Variants in FGD5 observed in about 807,000 individuals in gnomAD.
The protein encoded by FGD5 is FYVE, RhoGEF and PH domain-containing protein 5.
In FGD5, 28 loss-of-function variants were observed where a neutral mutation model predicts 133.4. The observed-to-expected ratio is 0.21, with a 90% CI of 0.16 to 0.29. The LOEUF (loss-of-function observed/expected upper bound fraction) is 0.29. Among genes scored for constraint, FGD5 ranks in the 10% least tolerant of loss-of-function variants. FGD5 has a pLI of 1.00. For missense variants in FGD5, 1,858 were observed against 1,895.2 expected, an observed-to-expected ratio of 0.98 and a Z score of 0.36; for synonymous variants, 810 against 776.5, an observed-to-expected ratio of 1.04 and a Z score of -0.72.
At chr3:14,816,800 T>C (rs898407267), upstream of FGD5, among the ~76,000 whole-genome samples, 10 of 152,236 alleles carry the variant, frequency 6.6e-5, no homozygotes, top group African/African-American at 2.4e-4. Context: ...TGGATGTCAG[T>C]GGCTGGCCTG....
chr3:14,911,473 C>T (rs1036796811), intron 11 of FGD5, among the ~76,000 whole-genome samples: 2 of 152,016 alleles, frequency 1.3e-5, no homozygotes, highest in African/African-American at 2.4e-5. Flanking sequence ...CCTTTTAAGC[C>T]CTCTGCTGGG....
At chr3:14,818,663 C>G (rs2036418689), upstream of FGD5, among the ~76,000 whole-genome samples, 1 of 152,174 alleles carries the variant, frequency 6.6e-6, no homozygotes, top group African/African-American at 2.4e-5. Context: ...ATGCACTGAC[C>G]TGGACACTTC....
chr3:14,812,566 T>C (rs1575181965), intron 1 of FGD5, among the ~76,000 whole-genome samples: 1 of 152,200 alleles, frequency 6.6e-6, no homozygotes, highest in East Asian at 1.9e-4. Context: ...TCCTGTAATT[T>C]GTCTCCAGTG....
At chr3:14,886,757 C>G (rs976772183) in intron 4 of FGD5, among the ~76,000 whole-genome samples, 5 of 152,244 alleles carry the variant, frequency 3.3e-5, no homozygotes, top group Non-Finnish European at 5.9e-5. Flanking sequence ...ATTAATAATC[C>G]CCTTTGTGAT....
intron 1 of FGD5, among the ~76,000 whole-genome samples, chr3:14,832,313 C>T (rs972752406): frequency 1.3e-5 from 2 of 152,158 alleles, no homozygotes; most frequent in African/African-American, 2.4e-5. Context: ...TGTCACAGAC[C>T]GTTTGTATGT....
At chr3:14,924,788 T>C (rs959301247) in intron 17 of FGD5, among the ~76,000 whole-genome samples, 113 of 152,332 alleles carry the variant, frequency 7.4e-4, no homozygotes, top group African/African-American at 2.6e-3. Flanking sequence ...TTGTTCCTTT[T>C]GCAAATTAAA....
chr3:14,841,752 G>A (rs984872825), intron 1 of FGD5, among the ~76,000 whole-genome samples: 9 of 152,268 alleles, frequency 5.9e-5, no homozygotes, highest in African/African-American at 2.2e-4. Flanking sequence ...GACAGTGTGA[G>A]TGGGGGGTTC....
chr3:14,873,589 A>G (rs2037652157), intron 2 of FGD5, among the ~76,000 whole-genome samples: 1 of 152,188 alleles, frequency 6.6e-6, no homozygotes, highest in South Asian at 2.1e-4. Context: ...CTTTCTTGCC[A>G]TCAAACATGG....
chr3:14,866,559 T>G (rs549151545), intron 2 of FGD5, among the ~76,000 whole-genome samples: 2 of 152,086 alleles, frequency 1.3e-5, no homozygotes, highest in Non-Finnish European at 2.9e-5. Context: ...TTGGGCAACT[T>G]CCTGACCACT....
chr3:14,926,258 C>T, intron 18 of FGD5, 60 bp downstream of exon 18: 1 of 1,596,592 alleles, frequency 6.3e-7, no homozygotes, highest in Non-Finnish European at 8.6e-7. Context: ...CCCCTGGGGC[C>T]TGCACACATC....
intron 1 of FGD5, among the ~76,000 whole-genome samples, chr3:14,835,735 G>A (rs1575197100): frequency 6.6e-6 from 1 of 152,144 alleles, no homozygotes; most frequent in Non-Finnish European, 1.5e-5. Context: ...TCCTTGCAAG[G>A]CCATGGGTGA....
At chr3:14,841,539 A>C (rs552047234) in intron 1 of FGD5, among the ~76,000 whole-genome samples, 17 of 148,050 alleles carry the variant, frequency 1.1e-4, no homozygotes, top group African/African-American at 4.2e-4. Flanking sequence ...GAGGAAGGAG[A>C]TGAACAGACT....
intron 19 of FGD5, among the ~76,000 whole-genome samples, 155 bp downstream of exon 19, chr3:14,932,886 A>G (rs1278486429): frequency 6.6e-6 from 1 of 152,156 alleles, no homozygotes; most frequent in African/African-American, 2.4e-5. Flanking sequence ...GTTCTTTGTC[A>G]CAATCATGTT....
chr3:14,884,679 C>G (rs898910974), intron 4 of FGD5, among the ~76,000 whole-genome samples: 2 of 152,206 alleles, frequency 1.3e-5, no homozygotes, highest in African/African-American at 2.4e-5. Context: ...GAGTTGGTCT[C>G]TGTTCCATGA....
At chr3:14,907,576 A>G in intron 9 of FGD5, 64 bp from the exon 10 acceptor site, 1 of 1,467,332 alleles carries the variant, frequency 6.8e-7, no homozygotes, top group South Asian at 1.2e-5. Context: ...CATGCCTTAC[A>G]GAGGAGATAA....
At chr3:14,930,336 G>A (rs902231585) in intron 18 of FGD5, among the ~76,000 whole-genome samples, 1 of 152,032 alleles carries the variant, frequency 6.6e-6, no homozygotes, top group Non-Finnish European at 1.5e-5. Context: ...AGGTGCCTAC[G>A]CCTGTACTCC....
rs111855005 is a variant in FGD5, at chr3:14,866,481, G to A, written c.2658+2221G>A. Among the ~76,000 whole-genome samples the A allele has an allele frequency of 7.2e-3, 1,101 of 152,210 alleles. 12 individuals are homozygous for A. Among genetic ancestry groups the A allele is most frequent in the African/African-American group, 0.025 (1,044 of 41,518 alleles). ...GGACACTCCCAGGACTAAGGAGCTA[G>A]CAAGAGGTAGAGCAGCCTAGGGACT... is the stretch of plus-strand genomic sequence containing the variant. On this transcript the variant is annotated intron_variant, in intron 2 of 19. Transcript: ENST00000285046.
chr3:14,904,472 C>T (rs2038300667), intron 9 of FGD5, among the ~76,000 whole-genome samples: 1 of 151,408 alleles, frequency 6.6e-6, no homozygotes, highest in Non-Finnish European at 1.5e-5. Context: ...TTTCTGTGCC[C>T]TTTTCACATG....
chr3:14,919,483 T>C (rs924822645), intron 13 of FGD5, among the ~76,000 whole-genome samples: 2 of 152,128 alleles, frequency 1.3e-5, no homozygotes, highest in Non-Finnish European at 2.9e-5. Context: ...CCGGGCGTGG[T>C]GGCAGGCACC....
Sources: allele counts gnomAD v4.1 joint callset (sites outside exome capture counted in the v4.1 genomes callset), GRCh38; gene constraint gnomAD v4.1.1; transcripts MANE v1.5; gene names NCBI Gene and HGNC (gene_info 2026-07-23, HGNC 2026-07-21).